CNBD1: variants seen among roughly 807,000 people sequenced by gnomAD.
CNBD1 encodes cyclic nucleotide-binding domain-containing protein 1.
Under a neutral mutation model 54.4 loss-of-function variants are expected in CNBD1, and 71 were observed. That is an observed-to-expected ratio of 1.30 (90% confidence interval 1.08 to 1.59). The LOEUF (loss-of-function observed/expected upper bound fraction) is 1.59, where lower values mean the gene tolerates loss of function less well. Ranked by LOEUF, CNBD1 falls within the 40% of genes most tolerant of loss-of-function variation. The pLI, the probability that CNBD1 is intolerant of heterozygous loss-of-function variation, is 0.00. For synonymous variants in CNBD1, 182 were observed against 170.7 expected, an observed-to-expected ratio of 1.07 and a Z score of -0.51; for missense variants, 659 against 518.0, an observed-to-expected ratio of 1.27 and a Z score of -2.64.
intron 2 of CNBD1, among the ~76,000 whole-genome samples, chr8:86,902,981 G>T (rs1162135057): frequency 1.3e-5 from 2 of 152,036 alleles, no homozygotes; most frequent in Non-Finnish European, 2.9e-5. Context: ...GTTTCAATGA[G>T]ACCCTCAGAA....
chr8:87,067,644 T>G (rs1810681466), intron 4 of CNBD1, among the ~76,000 whole-genome samples: 2 of 152,012 alleles, frequency 1.3e-5, no homozygotes, highest in South Asian at 4.1e-4. Flanking sequence ...TATAAGCATT[T>G]CTTTTAGAGA....
At chr8:87,121,988 C>G (rs1811900452) in intron 4 of CNBD1, among the ~76,000 whole-genome samples, 1 of 150,862 alleles carries the variant, frequency 6.6e-6, no homozygotes. Flanking sequence ...TTAGGTTGTT[C>G]CTATATCTTG....
chr8:87,219,454 A>T (rs1814279787), intron 5 of CNBD1, among the ~76,000 whole-genome samples: 1 of 151,998 alleles, frequency 6.6e-6, no homozygotes, highest in Non-Finnish European at 1.5e-5. Flanking sequence ...CCTTCAAGAC[A>T]AATTATACCT....
intron 4 of CNBD1, among the ~76,000 whole-genome samples, chr8:87,102,939 G>C (rs1480691311): frequency 6.6e-6 from 1 of 152,168 alleles, no homozygotes; most frequent in East Asian, 1.9e-4. Flanking sequence ...TGATAAAAGA[G>C]ACAATATAGG....
At chr8:87,057,840 C>A (rs999388071) in intron 4 of CNBD1, among the ~76,000 whole-genome samples, 4 of 152,024 alleles carry the variant, frequency 2.6e-5, no homozygotes, top group African/African-American at 4.8e-5. Flanking sequence ...CAGCACAAGA[C>A]TCCATCTAAA....
At chr8:86,936,788 G>C (rs1348736032) in intron 3 of CNBD1, among the ~76,000 whole-genome samples, 1 of 148,694 alleles carries the variant, frequency 6.7e-6, no homozygotes, top group Admixed American at 6.7e-5. Context: ...ATAATCTAAA[G>C]AATTAGGTTA....
intron 8 of CNBD1, among the ~76,000 whole-genome samples, chr8:87,293,189 G>C (rs1047172334): frequency 6.6e-6 from 1 of 151,884 alleles, no homozygotes; most frequent in Non-Finnish European, 1.5e-5. Context: ...TTTAACATCT[G>C]TGTACAGAAC....
rs558302581 is a variant in CNBD1, at chr8:86,916,570, T to G, written c.272+11376T>G. ...TGTTAAACTCTGCCATTTTACCTCATTATGTGTACGTGTAAGTCTACTTCA... is the reference window on the plus strand; with the variant it reads ...TGTTAAACTCTGCCATTTTACCTCAGTATGTGTACGTGTAAGTCTACTTCA... On this transcript the variant is annotated intron_variant, in intron 3 of 10. Coordinates refer to ENST00000518476, the MANE Select transcript of CNBD1 (RefSeq NM_173538.3). Among the ~76,000 whole-genome samples the G allele has an allele frequency of 1.1e-4, 16 of 152,296 alleles. No individual in the cohort carries two copies. The South Asian group carries it at 3.3e-3, about 32-fold the overall frequency.
At position 86,939,410 on chromosome 8, in the gene CNBD1, A is replaced by G. The variant is rs552681172; in HGVS notation, c.273-186A>G. 3.9e-5 allele frequency among the ~76,000 whole-genome samples: 6 copies of G among 152,310 alleles called. No homozygotes were observed. The East Asian group carries it at 1.2e-3, about 29-fold the overall frequency. Reference sequence around the variant, plus strand: ...TCATATATTCCAAGTTCTACATGTAACAGAATGACATATATAACTGTACTA... The same window carrying G: ...TCATATATTCCAAGTTCTACATGTAGCAGAATGACATATATAACTGTACTA... On this transcript the variant is annotated intron_variant, in intron 3 of 10. Coordinates refer to ENST00000518476, the MANE Select transcript of CNBD1 (RefSeq NM_173538.3).
intron 4 of CNBD1, among the ~76,000 whole-genome samples, chr8:87,184,353 C>T (rs1005954934): frequency 2.5e-4 from 38 of 152,124 alleles, no homozygotes; most frequent in Admixed American, 2.1e-3. Flanking sequence ...TCAGACTGAC[C>T]GCATGGGAAA....
At chr8:86,949,634 T>A (rs1057493804) in intron 4 of CNBD1, among the ~76,000 whole-genome samples, 1 of 152,130 alleles carries the variant, frequency 6.6e-6, no homozygotes, top group Non-Finnish European at 1.5e-5. Context: ...CTTTAGGTTT[T>A]TCCAAATATA....
intron 6 of CNBD1, among the ~76,000 whole-genome samples, chr8:87,260,463 G>T (rs891353424): frequency 6.6e-6 from 1 of 152,132 alleles, no homozygotes; most frequent in South Asian, 2.1e-4. Flanking sequence ...CAAATTCATA[G>T]CACAAAATGC....
At chr8:87,096,433 C>T (rs1321385381) in intron 4 of CNBD1, among the ~76,000 whole-genome samples, 1 of 151,388 alleles carries the variant, frequency 6.6e-6, no homozygotes, top group East Asian at 1.9e-4. Flanking sequence ...CCTTAATTAC[C>T]ACCCTACTCC....
chr8:86,901,163 C>T (rs201474474), intron 2 of CNBD1, among the ~76,000 whole-genome samples: 2 of 152,140 alleles, frequency 1.3e-5, no homozygotes, highest in East Asian at 3.9e-4. Flanking sequence ...GGATGACATA[C>T]ATTATGAAAA....
chr8:87,391,087 G>A (rs960946345), intron 2 of CNBD1, among the ~76,000 whole-genome samples: 4 of 146,570 alleles, frequency 2.7e-5, no homozygotes, highest in African/African-American at 1.0e-4. Flanking sequence ...ACCGGGGCCT[G>A]TTGTGGGGTG....
intron 8 of CNBD1, among the ~76,000 whole-genome samples, chr8:87,327,176 T>C (rs1271643414): frequency 2.9e-5 from 4 of 140,140 alleles, no homozygotes; most frequent in Non-Finnish European, 6.2e-5. Context: ...GATCTCCAGC[T>C]GCGTGCTGGG....
chr8:87,183,204 G>A (rs944866831), intron 4 of CNBD1, among the ~76,000 whole-genome samples: 1 of 152,014 alleles, frequency 6.6e-6, no homozygotes, highest in Non-Finnish European at 1.5e-5. Flanking sequence ...AAGAACAGAT[G>A]GTTGTAGGTG....
At chr8:87,228,780 T>C (rs1444836195) in intron 5 of CNBD1, among the ~76,000 whole-genome samples, 1 of 152,074 alleles carries the variant, frequency 6.6e-6, no homozygotes, top group African/African-American at 2.4e-5. Flanking sequence ...CAGTTCGAGC[T>C]TCCAGGCTGT....
intron 4 of CNBD1, among the ~76,000 whole-genome samples, chr8:87,149,561 C>T (rs1812559582): frequency 6.6e-6 from 1 of 152,102 alleles, no homozygotes; most frequent in African/African-American, 2.4e-5. Context: ...GCCCCCTATC[C>T]TGATTCAGTT....
Sources: gnomAD v4.1 joint callset for allele counts (sites outside exome capture counted in the v4.1 genomes callset) on GRCh38, gnomAD v4.1.1 for gene constraint, MANE v1.5 for transcripts, NCBI Gene and HGNC (gene_info 2026-07-23, HGNC 2026-07-21) for gene names.